Variants in PPFIBP1 observed in about 807,000 individuals in gnomAD.
PPFIBP1 encodes PPFIB scaffold protein 1.
Under a neutral mutation model 137.8 loss-of-function variants are expected in PPFIBP1, and 112 were observed. The observed-to-expected ratio is 0.81, with a 90% CI of 0.70 to 0.95. PPFIBP1 has a LOEUF of 0.95. PPFIBP1 is among the 40% of genes least tolerant of loss of function. The pLI is 0.00. For missense variants in PPFIBP1, 1,083 were observed against 1,196.6 expected (o/e 0.91, Z 1.40); for synonymous variants, 378 against 417.3 (o/e 0.91, Z 1.15).
intron 18 of PPFIBP1, 112 bp downstream of exon 18, chr12:27,676,711 G>A (rs890548915): frequency 5.2e-6 from 6 of 1,149,498 alleles, no homozygotes; most frequent in African/African-American, 4.7e-5. Flanking sequence ...TCTCAGAAAC[G>A]AAGGTGAATG....
At chr12:27,684,545 G>GAGTTC (rs2061083754) in intron 24 of PPFIBP1, among the ~76,000 whole-genome samples, 1 of 152,078 alleles carries the variant, frequency 6.6e-6, no homozygotes. Flanking sequence ...AAAAAATTTG[G>GAGTTC]AGTTCAGTTC....
At chr12:27,639,870 T>C (rs1332912489) in intron 4 of PPFIBP1, among the ~76,000 whole-genome samples, 2 of 152,204 alleles carry the variant, frequency 1.3e-5, no homozygotes, top group African/African-American at 4.8e-5. Context: ...TGGCTGTTCT[T>C]CCTGAGTCCC....
chr12:27,680,622 G>A (rs1250899271), intron 21 of PPFIBP1, among the ~76,000 whole-genome samples: 1 of 152,124 alleles, frequency 6.6e-6, no homozygotes, highest in Admixed American at 6.5e-5. Context: ...ATCTATGAAA[G>A]CACTTAAAGA....
At chr12:27,618,327 AG>A (rs1308819709) in intron 2 of PPFIBP1, among the ~76,000 whole-genome samples, 1 of 152,206 alleles carries the variant, frequency 6.6e-6, no homozygotes, top group Non-Finnish European at 1.5e-5. Flanking sequence ...CGTGATGGGA[AG>A]GGGGAGCCCA....
At chr12:27,640,598 G>A (rs536651981) in intron 4 of PPFIBP1, among the ~76,000 whole-genome samples, 85 of 147,146 alleles carry the variant, frequency 5.8e-4, no homozygotes, top group African/African-American at 2.1e-3. Context: ...CCCCACCCCC[G>A]GGTTGCCCAC....
chr12:27,658,995 A>G (rs1189494528), intron 10 of PPFIBP1, 147 bp downstream of exon 10: 6 of 742,080 alleles, frequency 8.1e-6, no homozygotes, highest in Non-Finnish European at 2.2e-6. Flanking sequence ...GAGTGTACAC[A>G]ATAGAGGGTG....
chr12:27,689,500 T>C (rs1248907314), intron 27 of PPFIBP1, among the ~76,000 whole-genome samples: 1 of 151,926 alleles, frequency 6.6e-6, no homozygotes, highest in East Asian at 1.9e-4. Context: ...AGGGTCGCAG[T>C]AACAATGTTT....
intron 1 of PPFIBP1, among the ~76,000 whole-genome samples, chr12:27,554,106 G>A (rs1947050385): frequency 6.6e-6 from 1 of 152,208 alleles, no homozygotes; most frequent in Admixed American, 6.5e-5. Flanking sequence ...TACGGTAAAT[G>A]GCTTAAAACT....
chr12:27,648,263 C>A (rs1302885709), intron 6 of PPFIBP1, among the ~76,000 whole-genome samples: 3 of 152,112 alleles, frequency 2.0e-5, no homozygotes, highest in Admixed American at 6.5e-5. Flanking sequence ...AACATCATTG[C>A]TCATCAGAGA....
intron 1 of PPFIBP1, among the ~76,000 whole-genome samples, chr12:27,577,602 T>G (rs560703306): frequency 7.2e-5 from 11 of 152,324 alleles, no homozygotes; most frequent in Non-Finnish European, 1.5e-4. Flanking sequence ...TGTTCCTGTA[T>G]ATACTAGTGG....
At chr12:27,600,450 AAT>A (rs1565848323) in intron 2 of PPFIBP1, among the ~76,000 whole-genome samples, 2 of 152,076 alleles carry the variant, frequency 1.3e-5, no homozygotes, top group Non-Finnish European at 2.9e-5. Flanking sequence ...AAAAAAAAAA[AAT>A]AGTTAGAAGA....
At chr12:27,682,304 T>G (rs1271570059) in intron 22 of PPFIBP1, 83 bp from the exon 23 acceptor site, 1 of 957,506 alleles carries the variant, frequency 1.0e-6, no homozygotes, top group East Asian at 2.4e-5. Context: ...AATGCTAGCT[T>G]CATTTTGGAG....
Position 27,695,169 on chromosome 12 carries a change from T to C in PPFIBP1, c.*2287T>C, listed in dbSNP as rs535939700. On this transcript the variant is annotated 3_prime_UTR_variant, in exon 30 of 30. Coordinates refer to ENST00000228425, the MANE Select transcript of PPFIBP1 (RefSeq NM_003622.4). ...TCTTGCTCTGTTGCCCAGGCTGGAG[T>C]GCAGTGGCACAATCTCAGCTCACTG... The C allele has an allele frequency of 1.3e-5, 2 of 150,674 alleles. No homozygotes were observed. The highest frequency in any genetic ancestry group is 2.5e-5 in the African/African-American group (1 of 40,804). The allele number at this position is 150,674 out of a possible 1,614,324, so 9.3% of individuals were successfully genotyped here.
At chr12:27,621,985 G>T (rs1338138760) in intron 2 of PPFIBP1, among the ~76,000 whole-genome samples, 1 of 152,202 alleles carries the variant, frequency 6.6e-6, no homozygotes, top group Non-Finnish European at 1.5e-5. Context: ...CCAACTACGT[G>T]ACTGCAACTG....
chr12:27,647,127 G>T (rs894151102), intron 5 of PPFIBP1, among the ~76,000 whole-genome samples: 1 of 152,058 alleles, frequency 6.6e-6, no homozygotes, highest in Non-Finnish European at 1.5e-5. Context: ...TCAGCCTCCT[G>T]AGTAACTGGG....
At position 27,688,378 on chromosome 12, in the gene PPFIBP1, A is replaced by C; in HGVS notation, c.2451A>C (p.Glu817Asp). 6.2e-7 allele frequency: 1 copy of C among 1,614,160 alleles called. No individual in the cohort carries two copies. The highest frequency in any genetic ancestry group is 8.5e-7 in the Non-Finnish European group (1 of 1,180,020). ...GGCTGCGCTCCGTGGACTTGGCAGA[A>C]TATGCGCCCAATCTCAGAGGCAGTG... ...MEWLRSVDLA[E>D]YAPNLRGSGV... is the part of the protein sequence containing the mutation. The change falls in exon 26 of 30, where the codon GAA becomes GAC. Residue 817 changes from glutamate to aspartate, a missense_variant. Glu to Asp is a conservative substitution (Grantham distance 45). Transcript: ENST00000228425.
intron 1 of PPFIBP1, among the ~76,000 whole-genome samples, chr12:27,562,845 A>G (rs1349687713): frequency 6.6e-6 from 1 of 152,196 alleles, no homozygotes; most frequent in Non-Finnish European, 1.5e-5. Context: ...GATTTAATTG[A>G]AATAATTCAT....
At chr12:27,616,163 T>C (rs1474285485) in intron 2 of PPFIBP1, among the ~76,000 whole-genome samples, 1 of 152,030 alleles carries the variant, frequency 6.6e-6, no homozygotes, top group Non-Finnish European at 1.5e-5. Context: ...CCCATCTGCA[T>C]TGTTTTCAAG....
rs1473454919 is a variant in PPFIBP1 at position 27,634,891 on chromosome 12, G to C, written c.65-19G>C. ...TAACATAAATCCCATTGCTCTCTCT[G>C]TGATTTTGTTTAACTTAGGTTCTAA... On this transcript the variant is annotated intron_variant, in intron 3 of 29. Transcript: ENST00000228425. The C allele has an allele frequency of 5.0e-6, 8 of 1,604,198 alleles. No individual in the cohort carries two copies. Among genetic ancestry groups the C allele is most frequent in the Non-Finnish European group, 6.8e-6 (8 of 1,171,706 alleles).
Sources: gnomAD v4.1 joint callset for allele counts (sites outside exome capture counted in the v4.1 genomes callset) on GRCh38, gnomAD v4.1.1 for gene constraint, MANE v1.5 for transcripts, NCBI Gene and HGNC (gene_info 2026-07-23, HGNC 2026-07-21) for gene names.